Variants in PPP1R16B observed in about 807,000 individuals in gnomAD.
PPP1R16B encodes the protein protein phosphatase 1 regulatory inhibitor subunit 16B.
Under a neutral mutation model 61.7 loss-of-function variants are expected in PPP1R16B, and 14 were observed. The observed-to-expected ratio is 0.23, with a 90% CI of 0.15 to 0.35. The LOEUF (loss-of-function observed/expected upper bound fraction) is 0.35, where lower values mean the gene tolerates loss of function less well. PPP1R16B is among the 10% of genes least tolerant of loss of function. The pLI, the probability that PPP1R16B is intolerant of heterozygous loss-of-function variation, is 1.00. For missense variants in PPP1R16B, 547 were observed against 752.5 expected, an observed-to-expected ratio of 0.73 and a Z score of 3.19; for synonymous variants, 266 against 305.3, an observed-to-expected ratio of 0.87 and a Z score of 1.34.
intron 2 of PPP1R16B, among the ~76,000 whole-genome samples, chr20:38,889,151 C>A (rs1019495743): frequency 6.6e-6 from 1 of 152,114 alleles, no homozygotes; most frequent in Admixed American, 6.6e-5. Context: ...TGGCTCACCT[C>A]GATGACCACT....
At chr20:38,873,519 G>T (rs2085144405) in intron 2 of PPP1R16B, among the ~76,000 whole-genome samples, 1 of 152,150 alleles carries the variant, frequency 6.6e-6, no homozygotes, top group Admixed American at 6.5e-5. Flanking sequence ...TCGCTGGGTG[G>T]TTTGGGCTCA....
At chr20:38,888,644 C>G (rs958717742) in intron 2 of PPP1R16B, among the ~76,000 whole-genome samples, 21 of 152,132 alleles carry the variant, frequency 1.4e-4, no homozygotes, top group Non-Finnish European at 1.5e-5. Flanking sequence ...AAAGCCAGAG[C>G]TGGGGTCCCA....
At chr20:38,852,080 A>C (rs545400591) in intron 2 of PPP1R16B, among the ~76,000 whole-genome samples, 1 of 152,214 alleles carries the variant, frequency 6.6e-6, no homozygotes, top group Non-Finnish European at 1.5e-5. Flanking sequence ...CAGATGCCAG[A>C]AAAAGGGGGC....
intron 1 of PPP1R16B, among the ~76,000 whole-genome samples, chr20:38,815,202 T>A (rs2084727630): frequency 6.6e-6 from 1 of 152,236 alleles, no homozygotes; most frequent in Admixed American, 6.5e-5. Context: ...TTTTATGTAT[T>A]TTTCCATAAA....
chr20:38,852,045 C>T (rs536520197), intron 2 of PPP1R16B, among the ~76,000 whole-genome samples: 2 of 149,520 alleles, frequency 1.3e-5, no homozygotes, highest in African/African-American at 4.9e-5. Context: ...GCGGGGACGG[C>T]GGGGGGGGAA....
intron 2 of PPP1R16B, among the ~76,000 whole-genome samples, chr20:38,836,620 A>G (rs1380323876): frequency 6.6e-6 from 1 of 152,172 alleles, no homozygotes; most frequent in Non-Finnish European, 1.5e-5. Flanking sequence ...TGGTCTCCCA[A>G]AATGCTGGGA....
chr20:38,839,048 C>T (rs774624818), intron 2 of PPP1R16B, among the ~76,000 whole-genome samples: 4 of 152,238 alleles, frequency 2.6e-5, no homozygotes, highest in Non-Finnish European at 5.9e-5. Context: ...CTGCCTCAGC[C>T]TCTCAAGTAG....
At chr20:38,893,611 T>G (rs2145763941) in intron 3 of PPP1R16B, among the ~76,000 whole-genome samples, 1 of 134,646 alleles carries the variant, frequency 7.4e-6, no homozygotes, top group Non-Finnish European at 1.7e-5. Context: ...AGGAGGCGGC[T>G]GACTGCCAGG....
intron 10 of PPP1R16B, among the ~76,000 whole-genome samples, chr20:38,917,788 C>A (rs191534274): frequency 6.6e-6 from 1 of 152,184 alleles, no homozygotes; most frequent in Non-Finnish European, 1.5e-5. Flanking sequence ...CCTCAGCTTA[C>A]GTCATTCTTA....
At chr20:38,814,876 C>T (rs925277548) in intron 1 of PPP1R16B, among the ~76,000 whole-genome samples, 4 of 152,162 alleles carry the variant, frequency 2.6e-5, no homozygotes, top group Admixed American at 6.5e-5. Flanking sequence ...CTCTTTAGGT[C>T]TCTTGACTCT....
chr20:38,830,822 C>T (rs2084831941), intron 1 of PPP1R16B, among the ~76,000 whole-genome samples: 1 of 152,206 alleles, frequency 6.6e-6, no homozygotes, highest in Admixed American at 6.5e-5. Flanking sequence ...TCCTTCCACA[C>T]TTAGGGAAGC....
intron 2 of PPP1R16B, among the ~76,000 whole-genome samples, chr20:38,851,714 G>C (rs1456298171): frequency 6.6e-6 from 1 of 151,686 alleles, no homozygotes; most frequent in Non-Finnish European, 1.5e-5. Context: ...CTTAACAATG[G>C]ATGGTGTTAT....
intron 2 of PPP1R16B, among the ~76,000 whole-genome samples, chr20:38,869,672 T>G (rs980718260): frequency 6.6e-6 from 1 of 152,186 alleles, no homozygotes; most frequent in Non-Finnish European, 1.5e-5. Flanking sequence ...TGGAATCACA[T>G]AGTATGGACC....
intron 2 of PPP1R16B, among the ~76,000 whole-genome samples, chr20:38,868,282 C>T (rs901174525): frequency 2.6e-5 from 4 of 152,170 alleles, no homozygotes; most frequent in Admixed American, 6.5e-5. Context: ...CCCCTGTGAG[C>T]TAAGCTCATG....
intron 1 of PPP1R16B, among the ~76,000 whole-genome samples, chr20:38,818,267 T>C (rs1162436109): frequency 6.6e-6 from 1 of 152,188 alleles, no homozygotes; most frequent in Non-Finnish European, 1.5e-5. Context: ...TTAAAGTCAA[T>C]TTATGCATAG....
At chr20:38,883,054 C>T (rs192671525) in intron 2 of PPP1R16B, among the ~76,000 whole-genome samples, 3 of 152,292 alleles carry the variant, frequency 2.0e-5, no homozygotes, top group Non-Finnish European at 4.4e-5. Flanking sequence ...AGGATGAGGC[C>T]TCATTGCTGG....
At chr20:38,914,685 C>T (rs2085518719) in intron 10 of PPP1R16B, among the ~76,000 whole-genome samples, 1 of 152,258 alleles carries the variant, frequency 6.6e-6, no homozygotes, top group South Asian at 2.1e-4. Context: ...TTTGTTGAGA[C>T]AGGGTCTCAT....
intron 1 of PPP1R16B, among the ~76,000 whole-genome samples, chr20:38,820,100 G>A (rs1051995466): frequency 2.6e-5 from 4 of 152,184 alleles, no homozygotes; most frequent in Non-Finnish European, 4.4e-5. Flanking sequence ...ATTGTTGAGT[G>A]TAATTGTATA....
intron 10 of PPP1R16B, 58 bp downstream of exon 10, chr20:38,908,251 C>A: frequency 1.3e-6 from 2 of 1,593,656 alleles, no homozygotes; most frequent in South Asian, 1.1e-5. Context: ...GAGAACAGGG[C>A]CCAGCCTGGC....
Sources: gnomAD v4.1 joint callset for allele counts (sites outside exome capture counted in the v4.1 genomes callset) on GRCh38, gnomAD v4.1.1 for gene constraint, MANE v1.5 for transcripts, NCBI Gene and HGNC (gene_info 2026-07-23, HGNC 2026-07-21) for gene names.